Variants in HOMER2 observed in about 807,000 individuals in gnomAD.
HOMER2 encodes homer scaffold protein 2.
HOMER2 carries 27 observed loss-of-function variants against 47.0 expected under a neutral mutation model. The observed-to-expected ratio is 0.57, with a 90% confidence interval of 0.42 to 0.79. The LOEUF is 0.79. HOMER2 is among the 30% of genes least tolerant of loss of function. The pLI is 0.00. For synonymous variants in HOMER2, 161 were observed against 163.8 expected, an observed-to-expected ratio of 0.98 and a Z score of 0.13; for missense variants, 443 against 435.0, an observed-to-expected ratio of 1.02 and a Z score of -0.16.
intron 1 of HOMER2, among the ~76,000 whole-genome samples, chr15:82,911,146 C>A (rs1263356994): frequency 6.6e-6 from 1 of 152,198 alleles, no homozygotes; most frequent in Non-Finnish European, 1.5e-5. Flanking sequence ...CAGCTCAACC[C>A]TCCCATAGAG....
rs116937095 is a variant in HOMER2, at chr15:82,944,185, G to A, written c.5+8346C>T. Among the ~76,000 whole-genome samples, 33 of 152,102 alleles carry A rather than the reference G, an allele frequency of 2.2e-4. No individual in the cohort carries two copies. The East Asian group carries it at 4.4e-3, about 20-fold the overall frequency. On this transcript the variant is annotated intron_variant, in intron 1 of 8. Transcript: ENST00000450735. ...GATACCATATGACTAACAGCACCCCGGTGGCAGAACTACTGGAGTCTTCAT... is the reference window on the plus strand; with the variant it reads ...GATACCATATGACTAACAGCACCCCAGTGGCAGAACTACTGGAGTCTTCAT...
intron 1 of HOMER2, 151 bp downstream of exon 1, chr15:82,952,380 C>T (rs1049235253): frequency 1.0e-5 from 5 of 491,950 alleles, no homozygotes; most frequent in Non-Finnish European, 1.5e-5. Flanking sequence ...GTCAGGTGGC[C>T]CCAGACTCCC....
intron 2 of HOMER2, among the ~76,000 whole-genome samples, chr15:82,878,574 G>T (rs562854845): frequency 6.6e-6 from 1 of 152,098 alleles, no homozygotes; most frequent in East Asian, 1.9e-4. Context: ...TATTGCTTCC[G>T]CTCTATTCTC....
intron 8 of HOMER2, 24 bp from the exon 9 acceptor site, chr15:82,849,927 G>C (rs41310974): frequency 1.2e-6 from 2 of 1,607,694 alleles, no homozygotes; most frequent in Admixed American, 3.4e-5. Context: ...AGGGAGAAGG[G>C]TCTAGAAAAC....
intron 1 of HOMER2, among the ~76,000 whole-genome samples, chr15:82,976,675 G>A (rs560935637): frequency 1.1e-5 from 1 of 92,940 alleles, no homozygotes; most frequent in Non-Finnish European, 1.9e-5. Context: ...AGATTTGTGT[G>A]TGGTTTTTTT....
chr15:82,909,833 A>G (rs1384557197), intron 1 of HOMER2, among the ~76,000 whole-genome samples: 1 of 152,156 alleles, frequency 6.6e-6, no homozygotes, highest in Non-Finnish European at 1.5e-5. Context: ...TACATATCAT[A>G]TTAAAAGCTA....
rs765804519 is a variant in HOMER2, at chr15:82,859,122, T to C, written c.401A>G (p.Asn134Ser). The change falls in exon 5 of 9, where the codon AAC (asparagine) becomes AGC (serine). Residue 134 changes from asparagine (N) to serine (S), a missense_variant. By Grantham distance (46) the Asn-to-Ser change is conservative. Transcript: ENST00000450735. ...AGAGGCCTTTTCATCGTCCGTCCCG[T>C]TGACACTGGATGCCTGAGTAGAAGA... ...SSNHSQASSV[N>S]GTDDEKASHA... The C allele has an allele frequency of 3.1e-6, 5 of 1,614,006 alleles. No homozygotes were observed. In the South Asian group the frequency reaches 4.4e-5, roughly 14 times the overall value.
chr15:82,874,868 C>G (rs542647989), intron 3 of HOMER2, among the ~76,000 whole-genome samples: 2 of 152,308 alleles, frequency 1.3e-5, no homozygotes, highest in African/African-American at 4.8e-5. Context: ...AGTAACAACC[C>G]TCCGATAACT....
chr15:82,951,450 A>G (rs1361129881), intron 1 of HOMER2, among the ~76,000 whole-genome samples: 1 of 152,248 alleles, frequency 6.6e-6, no homozygotes, highest in African/African-American at 2.4e-5. Context: ...AGGGGGGCTG[A>G]GCCAGGGCAC....
At chr15:82,952,458 C>T (rs2054528269) in intron 1 of HOMER2, 73 bp downstream of exon 1, 5 of 1,070,402 alleles carry the variant, frequency 4.7e-6, no homozygotes, top group Non-Finnish European at 5.9e-6. Context: ...GCTCCGAGCC[C>T]GGTTACGCCA....
chr15:82,904,815 G>T (rs887095123), intron 1 of HOMER2, among the ~76,000 whole-genome samples: 5 of 152,024 alleles, frequency 3.3e-5, no homozygotes, highest in Non-Finnish European at 5.9e-5. Context: ...ATTACTAAAG[G>T]CCTATTTATG....
chr15:82,919,343 A>G (rs1186471585), intron 1 of HOMER2, among the ~76,000 whole-genome samples: 1 of 152,236 alleles, frequency 6.6e-6, no homozygotes, highest in Non-Finnish European at 1.5e-5. Flanking sequence ...TCGTCCATAC[A>G]GGATCAAGGA....
chr15:82,854,859 C>T (rs1028530493), intron 5 of HOMER2, 59 bp from the exon 6 acceptor site: 21 of 1,563,330 alleles, frequency 1.3e-5, no homozygotes, highest in Admixed American at 6.8e-5. Flanking sequence ...TGGCTCCGCC[C>T]GCGTGGGGAA....
intron 1 of HOMER2, among the ~76,000 whole-genome samples, chr15:82,946,516 T>C (rs1001762600): frequency 6.6e-6 from 1 of 152,156 alleles, no homozygotes; most frequent in Non-Finnish European, 1.5e-5. Flanking sequence ...CTATTCACAC[T>C]GCCAGGAACA....
chr15:82,869,523 A>T (rs531897434), intron 3 of HOMER2, among the ~76,000 whole-genome samples: 12 of 117,474 alleles, frequency 1.0e-4, no homozygotes, highest in Admixed American at 8.7e-4. Flanking sequence ...CAGTGGCGTG[A>T]TCTTGCTCAC....
At chr15:82,897,383 T>C (rs1051248127) in intron 1 of HOMER2, among the ~76,000 whole-genome samples, 2 of 152,114 alleles carry the variant, frequency 1.3e-5, no homozygotes, top group Admixed American at 1.3e-4. Context: ...TATTTCTAAG[T>C]GACATGGAAA....
At chr15:82,890,187 T>C (rs915875635) in intron 2 of HOMER2, among the ~76,000 whole-genome samples, 1 of 152,116 alleles carries the variant, frequency 6.6e-6, no homozygotes, top group Non-Finnish European at 1.5e-5. Context: ...ATCAAAAATA[T>C]ATAAATTATC....
At chr15:82,923,727 C>A (rs995580125) in intron 1 of HOMER2, among the ~76,000 whole-genome samples, 2 of 152,206 alleles carry the variant, frequency 1.3e-5, no homozygotes, top group African/African-American at 4.8e-5. Flanking sequence ...CCCACACTCA[C>A]GCAGGGTATG....
upstream of HOMER2, among the ~76,000 whole-genome samples, chr15:82,956,962 A>G (rs571023251): frequency 2.6e-5 from 4 of 152,268 alleles, no homozygotes; most frequent in South Asian, 8.3e-4. Context: ...CGAAGTGGCG[A>G]TATCTCTTTG....
Sources: gnomAD v4.1 joint callset for allele counts (sites outside exome capture counted in the v4.1 genomes callset) on GRCh38, gnomAD v4.1.1 for gene constraint, MANE v1.5 for transcripts, NCBI Gene and HGNC (gene_info 2026-07-23, HGNC 2026-07-21) for gene names.